Variants in ARRB1 observed in about 807,000 individuals in gnomAD.
The protein encoded by ARRB1 is beta-arrestin-1.
A neutral mutation model predicts 56.8 loss-of-function variants in ARRB1; 21 were observed. The ratio of observed to expected loss-of-function variants is 0.37; its 90% CI spans 0.26 to 0.53. ARRB1 has a LOEUF of 0.53. Ranked by LOEUF, ARRB1 falls within the 20% of genes least tolerant of loss-of-function variation. The pLI is 0.88. For missense variants in ARRB1, 424 were observed against 553.7 expected, an observed-to-expected ratio of 0.77 and a Z score of 2.35; for synonymous variants, 210 against 218.6, an observed-to-expected ratio of 0.96 and a Z score of 0.35.
At chr11:75,347,178 A>C (rs1445252875) in intron 1 of ARRB1, among the ~76,000 whole-genome samples, 4 of 152,274 alleles carry the variant, frequency 2.6e-5, no homozygotes, top group Admixed American at 2.6e-4. Flanking sequence ...TGGAAGGAAG[A>C]GAGCAGTGGA....
chr11:75,336,153 T>G (rs1157624849), intron 1 of ARRB1, among the ~76,000 whole-genome samples: 3 of 152,094 alleles, frequency 2.0e-5, no homozygotes, highest in South Asian at 4.2e-4. Context: ...ACTCAGTAGG[T>G]TGAGGAAGAA....
intron 1 of ARRB1, among the ~76,000 whole-genome samples, chr11:75,318,177 G>GAA: frequency 8.1e-6 from 1 of 122,872 alleles, no homozygotes; most frequent in African/African-American, 3.1e-5. Context: ...TTTTTTTTGA[G>GAA]AGAGAGAGAG....
intron 7 of ARRB1, among the ~76,000 whole-genome samples, chr11:75,280,219 G>C (rs1946294954): frequency 6.6e-6 from 1 of 152,100 alleles, no homozygotes; most frequent in East Asian, 1.9e-4. Context: ...CCTCTTCCCT[G>C]GTCTCAGGTC....
At chr11:75,297,734 A>G (rs1228425728) in intron 1 of ARRB1, among the ~76,000 whole-genome samples, 1 of 151,630 alleles carries the variant, frequency 6.6e-6, no homozygotes, top group Non-Finnish European at 1.5e-5. Context: ...GTGTGGTGGC[A>G]GGCACCTGTA....
chr11:75,315,892 T>C (rs1379379522), intron 1 of ARRB1, among the ~76,000 whole-genome samples: 5 of 152,186 alleles, frequency 3.3e-5, no homozygotes, highest in Non-Finnish European at 7.4e-5. Flanking sequence ...AAGACCAAAT[T>C]AGAGGAAAAT....
At chr11:75,344,159 G>A (rs1053645161) in intron 1 of ARRB1, among the ~76,000 whole-genome samples, 4 of 152,142 alleles carry the variant, frequency 2.6e-5, no homozygotes, top group African/African-American at 9.7e-5. Context: ...CATGACTGCT[G>A]TTCAAGGACC....
intron 1 of ARRB1, among the ~76,000 whole-genome samples, chr11:75,315,000 TGA>T (rs1947241091): frequency 6.6e-6 from 1 of 151,202 alleles, no homozygotes; most frequent in South Asian, 2.1e-4. Context: ...CTCTTTCCAT[TGA>T]GAGAGCAGGG....
At chr11:75,345,385 C>A (rs1947749896) in intron 1 of ARRB1, among the ~76,000 whole-genome samples, 1 of 152,020 alleles carries the variant, frequency 6.6e-6, no homozygotes, top group Non-Finnish European at 1.5e-5. Context: ...TCCTGCCAAC[C>A]CCCTCTGTTC....
chr11:75,304,460 C>G (rs1325973796), intron 1 of ARRB1, among the ~76,000 whole-genome samples: 1 of 152,034 alleles, frequency 6.6e-6, no homozygotes, highest in Non-Finnish European at 1.5e-5. Context: ...TTATATTTAT[C>G]TGGATGGGGT....
At chr11:75,330,619 G>T (rs999340662) in intron 1 of ARRB1, among the ~76,000 whole-genome samples, 2 of 152,214 alleles carry the variant, frequency 1.3e-5, no homozygotes, top group Non-Finnish European at 2.9e-5. Flanking sequence ...GAAAGGGTCT[G>T]CTAGGAATGG....
In ARRB1 at chr11:75,263,743, A is replaced by G. The variant is rs1210117273; in HGVS notation, c.*2420T>C. Among the ~76,000 whole-genome samples the G allele has an allele frequency of 1.3e-5, 2 of 151,612 alleles. No individual in the cohort carries two copies. The highest frequency in any genetic ancestry group is 1.5e-5 in the Non-Finnish European group (1 of 67,870). On this transcript the variant is annotated 3_prime_UTR_variant, in exon 16 of 16. Coordinates refer to ENST00000420843, the MANE Select transcript of ARRB1 (RefSeq NM_004041.5). ...TTGTGCAGTCCTGGCTCCAGGAGAA[A>G]AAAAAAAAAAAAAGATAGTGCTCTG...
intron 9 of ARRB1, 130 bp from the exon 10 acceptor site, chr11:75,277,041 T>C (rs1376297878): frequency 5.9e-6 from 5 of 841,522 alleles, no homozygotes; most frequent in Non-Finnish European, 9.8e-6. Flanking sequence ...GACTTCTGCA[T>C]AAGACCACCC....
chr11:75,349,748 A>C (rs1947819456), intron 1 of ARRB1, among the ~76,000 whole-genome samples: 1 of 152,258 alleles, frequency 6.6e-6, no homozygotes, highest in Admixed American at 6.5e-5. Flanking sequence ...TACTGAGGAC[A>C]GAGGCCTAGG....
At chr11:75,347,756 C>A (rs1049449453) in intron 1 of ARRB1, among the ~76,000 whole-genome samples, 3 of 152,186 alleles carry the variant, frequency 2.0e-5, no homozygotes, top group Non-Finnish European at 4.4e-5. Flanking sequence ...ACAATGACTA[C>A]ACTACTAGAT....
intron 15 of ARRB1, among the ~76,000 whole-genome samples, chr11:75,267,254 G>A (rs529163148): frequency 1.3e-4 from 20 of 152,338 alleles, no homozygotes; most frequent in African/African-American, 4.6e-4. Context: ...GTCCTCAGGA[G>A]TCAGAAGCAA....
At chr11:75,273,202 G>A (rs1440999648) in intron 11 of ARRB1, among the ~76,000 whole-genome samples, 3 of 152,324 alleles carry the variant, frequency 2.0e-5, no homozygotes, top group African/African-American at 4.8e-5. Flanking sequence ...CTCGCTCACT[G>A]TGTGGCCCTG....
chr11:75,327,345 T>A (rs1275371717), intron 1 of ARRB1, among the ~76,000 whole-genome samples: 1 of 151,392 alleles, frequency 6.6e-6, no homozygotes, highest in African/African-American at 2.4e-5. Flanking sequence ...TAAAATGTAT[T>A]TTTTTGAAAC....
chr11:75,350,869 G>C (rs1007617194), intron 1 of ARRB1, among the ~76,000 whole-genome samples: 6 of 152,164 alleles, frequency 3.9e-5, no homozygotes, highest in Admixed American at 2.0e-4. Flanking sequence ...GTGTGTCAGC[G>C]GGCCTTGGGC....
rs1309260828 is a variant in ARRB1, at chr11:75,283,419, G to T, written c.222C>A (p.Thr74=). Residue 74 remains threonine, a synonymous_variant, in exon 5 of 16, where the codon ACC becomes ACA. Transcript: ENST00000420843. ...TGGCCACAAACAGGTCCTTGCGAAAGGTCAGGCCCAGGACATCCAGGTCCT... is the reference window on the plus strand; with the variant it reads ...TGGCCACAAACAGGTCCTTGCGAAATGTCAGGCCCAGGACATCCAGGTCCT... ...GREDLDVLGL[T]FRKDLFVANV... The T allele has an allele frequency of 7.4e-6, 12 of 1,614,034 alleles. No individual in the cohort carries two copies. The highest frequency in any genetic ancestry group is 1.0e-5 in the Non-Finnish European group (12 of 1,179,974).
Sources: allele counts gnomAD v4.1 joint callset (sites outside exome capture counted in the v4.1 genomes callset), GRCh38; gene constraint gnomAD v4.1.1; transcripts MANE v1.5; gene names NCBI Gene and HGNC (gene_info 2026-07-23, HGNC 2026-07-21).